Variants in OPRM1 observed in about 807,000 individuals in gnomAD.
OPRM1 encodes opioid receptor mu 1, also known as mu-type opioid receptor.
A neutral mutation model predicts 31.8 loss-of-function variants in OPRM1; 27 were observed. The observed-to-expected ratio is 0.85, with a 90% CI of 0.63 to 1.17. The LOEUF is 1.17. Among genes scored for constraint, OPRM1 ranks in the 50% most tolerant of loss-of-function variants. OPRM1 has a pLI of 0.00. For missense variants in OPRM1, 536 were observed against 511.1 expected, an observed-to-expected ratio of 1.05 and a Z score of -0.47; for synonymous variants, 196 against 189.9, an observed-to-expected ratio of 1.03 and a Z score of -0.26.
At chr6:154,067,730 T>C (rs1410086889) in intron 1 of OPRM1, among the ~76,000 whole-genome samples, 2 of 152,044 alleles carry the variant, frequency 1.3e-5, no homozygotes, top group East Asian at 3.9e-4. Flanking sequence ...GATTATTCTA[T>C]CCTTTGTTCA....
Position 154,119,540 on chromosome 6 carries a change from T to C in OPRM1, c.*819T>C, listed in dbSNP as rs192218096. On this transcript the variant is annotated 3_prime_UTR_variant, in exon 4 of 4. Transcript: ENST00000330432. ...GTCAATGAGCTCATCACTTCATCCA[T>C]GCAGGAAGTCAAGCATTAAAATGTA... is the stretch of plus-strand genomic sequence containing the variant. The C allele has an allele frequency of 5.7e-5, 35 of 614,776 alleles. No individual in the cohort carries two copies. The African/African-American group carries it at 6.6e-4, about 12-fold the overall frequency. 38.1% of individuals were successfully genotyped at this position (614,776 alleles called of 1,614,324 possible). A position where few individuals can be genotyped will look rare whatever the true frequency, so the allele number is the denominator to read the frequency against.
At chr6:154,055,453 T>G (rs1032484967) in intron 1 of OPRM1, among the ~76,000 whole-genome samples, 1 of 152,116 alleles carries the variant, frequency 6.6e-6, no homozygotes, top group African/African-American at 2.4e-5. Context: ...CTCCTAATTT[T>G]CTTCCCTCCC....
At chr6:154,169,531 A>G (rs1799705176) in intron 3 of OPRM1, among the ~76,000 whole-genome samples, 1 of 152,242 alleles carries the variant, frequency 6.6e-6, no homozygotes, top group African/African-American at 2.4e-5. Context: ...TACACATGCT[A>G]AAGTTTGAGA....
intron 3 of OPRM1, among the ~76,000 whole-genome samples, chr6:154,146,785 G>A (rs1174323806): frequency 6.6e-6 from 1 of 152,144 alleles, no homozygotes; most frequent in Non-Finnish European, 1.5e-5. Flanking sequence ...CCATGCCGAG[G>A]GGTGGGTAAC....
intron 3 of OPRM1, among the ~76,000 whole-genome samples, chr6:154,235,698 A>ACAC (rs1035314486): frequency 6.6e-6 from 1 of 152,152 alleles, no homozygotes; most frequent in African/African-American, 2.4e-5. Context: ...CTATTAAAAT[A>ACAC]CACCACCACC....
In OPRM1 at chr6:154,091,755, CT is replaced by C. The variant is rs1583491360; in HGVS notation, c.1164+286del. On this transcript the variant is annotated intron_variant, in intron 3 of 3. Transcript: ENST00000330432. Reference sequence around the variant, plus strand: ...CTTTACTTCTATGCAAAATTTATGACTTTAGCACATTATAGAAATAATTCTG... The same window carrying C: ...CTTTACTTCTATGCAAAATTTATGACTTAGCACATTATAGAAATAATTCTG... 8.8e-7 allele frequency: 1 copy of C among 1,138,404 alleles called. No homozygotes were observed. Among genetic ancestry groups the C allele is most frequent in the South Asian group, 3.5e-5 (1 of 28,688 alleles). 70.5% of individuals were successfully genotyped at this position (1,138,404 alleles called of 1,614,324 possible). A position where few individuals can be genotyped will look rare whatever the true frequency, so the allele number is the denominator to read the frequency against.
At chr6:154,039,006 A>T, upstream of OPRM1, 1 of 811,352 alleles carries the variant, frequency 1.2e-6, no homozygotes, top group Non-Finnish European at 1.9e-6. Flanking sequence ...TAGGGCTGTT[A>T]GGGTTTCATC....
chr6:154,051,836 A>G (rs1782254491), intron 1 of OPRM1, among the ~76,000 whole-genome samples: 1 of 152,174 alleles, frequency 6.6e-6, no homozygotes, highest in African/African-American at 2.4e-5. Flanking sequence ...GGTATATACC[A>G]GAAGGAATAT....
At position 154,213,486 on chromosome 6, in the gene OPRM1, G is replaced by T. The variant is rs17085211; in HGVS notation, c.1165-33207G>T. Reference sequence around the variant, plus strand: ...TGGCTAGGACACCACCGATTTCATGGTATTGCACGGTACCCCTTTACTGTT... The same window carrying T: ...TGGCTAGGACACCACCGATTTCATGTTATTGCACGGTACCCCTTTACTGTT... On this transcript the variant is annotated intron_variant, in intron 3 of 3. Transcript: ENST00000337049. 3.7e-3 allele frequency among the ~76,000 whole-genome samples: 567 copies of T among 152,292 alleles called. 26 individuals are homozygous for T. In the East Asian group the frequency reaches 0.093, roughly 25 times the overall value.
chr6:154,147,162 G>A (rs1798379796), intron 3 of OPRM1, among the ~76,000 whole-genome samples: 2 of 152,182 alleles, frequency 1.3e-5, no homozygotes, highest in African/African-American at 4.8e-5. Context: ...CAAGGCAATG[G>A]GGAGTGGTTA....
chr6:154,081,292 A>G (rs530503778), intron 1 of OPRM1, among the ~76,000 whole-genome samples: 3 of 152,316 alleles, frequency 2.0e-5, no homozygotes, highest in South Asian at 4.1e-4. Context: ...TCACGAGGTC[A>G]GGAGATTGAG....
intron 3 of OPRM1, among the ~76,000 whole-genome samples, chr6:154,095,848 C>G (rs1242890627): frequency 6.6e-6 from 1 of 152,014 alleles, no homozygotes; most frequent in Non-Finnish European, 1.5e-5. Flanking sequence ...GTTCTCAGTG[C>G]AATTTAATTT....
intron 3 of OPRM1, among the ~76,000 whole-genome samples, chr6:154,166,546 C>T (rs1799450106): frequency 6.6e-6 from 1 of 152,206 alleles, no homozygotes; most frequent in African/African-American, 2.4e-5. Flanking sequence ...GTTCCTAATG[C>T]CTCCAGTAAT....
At position 154,120,391 on chromosome 6, in the gene OPRM1, A is replaced by G. The variant is rs658156; in HGVS notation, c.*1670A>G. Among the ~76,000 whole-genome samples, 101,610 of 152,020 alleles carry G rather than the reference A, an allele frequency of 0.67. 34,301 individuals are homozygous for G. Among genetic ancestry groups the G allele is most frequent in the East Asian group, 0.9 (4,655 of 5,182 alleles). On this transcript the variant is annotated 3_prime_UTR_variant, in exon 4 of 4. Transcript: ENST00000330432. ...AGTAGATGGGAAAAAACAAAAGCCA[A>G]AATAAGTTTTTTAGTGTTTCCTTCT...
intron 1 of OPRM1, among the ~76,000 whole-genome samples, chr6:154,064,836 C>G (rs1295128100): frequency 6.6e-6 from 1 of 152,114 alleles, no homozygotes; most frequent in Non-Finnish European, 1.5e-5. Flanking sequence ...CTACTCTATT[C>G]CATTGGTCAA....
At chr6:154,104,400 A>G (rs1460647767) in intron 3 of OPRM1, among the ~76,000 whole-genome samples, 1 of 152,242 alleles carries the variant, frequency 6.6e-6, no homozygotes, top group African/African-American at 2.4e-5. Context: ...CTTTTCATAA[A>G]CTGGACAACT....
rs2128525071 is a variant in OPRM1, at chr6:154,118,794, A to G, written c.*73A>G. 2.5e-6 allele frequency: 4 copies of G among 1,601,850 alleles called. No individual in the cohort carries two copies. The East Asian group carries it at 6.7e-5, about 27-fold the overall frequency. Reference sequence around the variant, plus strand: ...GTATGTGGAAGCAGGTTGCTTCAAGAATGTGTAGGAGGCTCTAATTCTCTA... The same window carrying G: ...GTATGTGGAAGCAGGTTGCTTCAAGGATGTGTAGGAGGCTCTAATTCTCTA... On this transcript the variant is annotated 3_prime_UTR_variant, in exon 4 of 4. Transcript: ENST00000330432.
At chr6:154,238,390 G>A (rs1302018258) in intron 3 of OPRM1, among the ~76,000 whole-genome samples, 1 of 151,982 alleles carries the variant, frequency 6.6e-6, no homozygotes, top group African/African-American at 2.4e-5. Flanking sequence ...CAAGTAGCTG[G>A]AATTACAGGC....
chr6:154,052,585 T>G (rs1181719026), intron 1 of OPRM1, among the ~76,000 whole-genome samples: 1 of 152,206 alleles, frequency 6.6e-6, no homozygotes, highest in Non-Finnish European at 1.5e-5. Context: ...AAATGTAAAA[T>G]TGTTCCTAGC....
Sources: allele counts gnomAD v4.1 joint callset (sites outside exome capture counted in the v4.1 genomes callset), GRCh38; gene constraint gnomAD v4.1.1; transcripts MANE v1.5; gene names NCBI Gene and HGNC (gene_info 2026-07-23, HGNC 2026-07-21).